The following COLQ variants were observed in gnomAD, a reference collection of about 807,000 sequenced individuals.
COLQ encodes collagen like tail subunit of asymmetric acetylcholinesterase, also known as acetylcholinesterase collagenic tail peptide.
COLQ carries 48 observed loss-of-function variants against 69.0 expected under a neutral mutation model. The ratio of observed to expected loss-of-function variants is 0.70; its 90% CI spans 0.55 to 0.88. The LOEUF (loss-of-function observed/expected upper bound fraction) is 0.88. Among genes scored for constraint, COLQ ranks in the 40% least tolerant of loss-of-function variants. The pLI, the probability that COLQ is intolerant of heterozygous loss-of-function variation, is 0.00. For synonymous variants in COLQ, 217 were observed against 211.2 expected (o/e 1.03, Z -0.24); for missense variants, 618 against 594.6 (o/e 1.04, Z -0.41).
At chr3:15,478,130 G>A (rs2062412212) in intron 5 of COLQ, among the ~76,000 whole-genome samples, 1 of 152,160 alleles carries the variant, frequency 6.6e-6, no homozygotes, top group South Asian at 2.1e-4. Flanking sequence ...ATCAATCATG[G>A]TCCTTGTTAG....
rs1411203931 is a variant in COLQ, at chr3:15,489,604, C to A, written c.140G>T (p.Gly47Val). ...LPSLDQKKRGGHKACCLLTPP... is the reference protein window; with the variant it reads ...LPSLDQKKRGVHKACCLLTPP... ...CGTCAGCAGGCAGCATGCTTTGTGG[C>A]CACCACGCTTCTTCTGATCCAGGCT... The change falls in exon 2 of 17, where the codon GGC (glycine) becomes GTC (valine). Residue 47 changes from glycine (G) to valine (V), a missense_variant. Coordinates refer to ENST00000383788, the MANE Select transcript of COLQ (RefSeq NM_005677.4). The A allele has an allele frequency of 1.2e-6, 2 of 1,614,150 alleles. No homozygotes were observed. The highest frequency in any genetic ancestry group is 1.7e-6 in the Non-Finnish European group (2 of 1,180,014).
chr3:15,499,537 T>A (rs1190237699), intron 1 of COLQ, among the ~76,000 whole-genome samples: 1 of 152,358 alleles, frequency 6.6e-6, no homozygotes, highest in Admixed American at 6.5e-5. Context: ...AGATTGGTCA[T>A]GTTTTGTAAA....
chr3:15,459,628 G>A, intron 12 of COLQ, among the ~76,000 whole-genome samples: 1 of 151,696 alleles, frequency 6.6e-6, no homozygotes, highest in Middle Eastern at 3.4e-3. Context: ...ACAGGCACGT[G>A]CCATCAGGTT....
intron 12 of COLQ, among the ~76,000 whole-genome samples, chr3:15,458,648 TG>T (rs1161653090): frequency 6.6e-6 from 1 of 152,200 alleles, no homozygotes; most frequent in Admixed American, 6.5e-5. Context: ...GAAAGGCTCA[TG>T]GGGCCTGGGG....
intron 11 of COLQ, 71 bp downstream of exon 11, chr3:15,470,465 C>A: frequency 7.2e-7 from 1 of 1,381,316 alleles, no homozygotes; most frequent in Non-Finnish European, 1.0e-6. Flanking sequence ...ACGCCACCTG[C>A]CTGCCACTCC....
intron 1 of COLQ, among the ~76,000 whole-genome samples, chr3:15,490,684 C>G (rs2062651867): frequency 6.6e-6 from 1 of 152,214 alleles, no homozygotes; most frequent in Admixed American, 6.5e-5. Context: ...GTTGATACCA[C>G]TACACATCCA....
rs73146171 is a variant in COLQ, at chr3:15,496,665, C to T, written c.107-7028G>A. ...TCACGGAACTTCAGGACCGCATGTC[C>T]CAACTTAAAGACATCAAGCTCATGT... On this transcript the variant is annotated intron_variant, in intron 1 of 16. Transcript: ENST00000383788. Among the ~76,000 whole-genome samples the T allele has an allele frequency of 8.1e-3, 1,228 of 152,332 alleles. 14 individuals are homozygous for T. Among genetic ancestry groups the T allele is most frequent in the African/African-American group, 0.028 (1,153 of 41,576 alleles).
intron 15 of COLQ, among the ~76,000 whole-genome samples, chr3:15,454,607 C>T (rs1421763741): frequency 6.6e-6 from 1 of 151,178 alleles, no homozygotes; most frequent in African/African-American, 2.4e-5. Flanking sequence ...CAGTCAGCAG[C>T]ATCTCCCGCC....
At chr3:15,468,831 A>G (rs2062239087) in intron 11 of COLQ, among the ~76,000 whole-genome samples, 1 of 152,164 alleles carries the variant, frequency 6.6e-6, no homozygotes, top group African/African-American at 2.4e-5. Context: ...CCTGGCCCTC[A>G]GCTTCCTTGA....
Position 15,489,610 on chromosome 3 carries a change from C to G in COLQ, c.134G>C (p.Arg45Pro), listed in dbSNP as rs761717418. 174 of 1,614,020 alleles carry G rather than the reference C, an allele frequency of 1.1e-4. No homozygotes were observed. The highest frequency in any genetic ancestry group is 1.4e-4 in the Non-Finnish European group (171 of 1,180,014). ...AALPSLDQKK[R>P]GGHKACCLLT... ...CAGGCAGCATGCTTTGTGGCCACCA[C>G]GCTTCTTCTGATCCAGGCTGGGAAG... Residue 45 changes from arginine to proline, a missense_variant, in exon 2 of 17, where the codon CGT (arginine) becomes CCT (proline). By Grantham distance (103) the Arg-to-Pro change is moderately radical. Transcript: ENST00000383788.
chr3:15,462,927 T>A (rs2062142557), intron 12 of COLQ, among the ~76,000 whole-genome samples: 1 of 151,060 alleles, frequency 6.6e-6, no homozygotes, highest in African/African-American at 2.4e-5. Context: ...CTCTGAAGGG[T>A]AGAGGGCAGG....
rs755848079 is a variant in COLQ, at chr3:15,477,131, G to C, written c.460C>G (p.Pro154Ala). The change falls in exon 6 of 17, where the codon CCC becomes GCC. Residue 154 changes from proline (P) to alanine (A), a missense_variant. Physicochemically the swap from Pro to Ala is conservative, Grantham distance 27. Transcript: ENST00000383788. ...TGAGAGCATGCCACACTTACCCTGG[G>C]TCCTTCAGGGCCTGGCCAACCGATG... The part of the protein sequence containing the change: ...GPIGWPGPEG[P>A]RGEKGDLGMM... The C allele has an allele frequency of 6.2e-7, 1 of 1,600,800 alleles. No homozygotes were observed. Among genetic ancestry groups the C allele is most frequent in the African/African-American group, 1.3e-5 (1 of 74,816 alleles).
rs1206143332 is a variant in COLQ at position 15,489,529 on chromosome 3, C to T, written c.215G>A (p.Ser72Asn). ...FPPPFFRGGR[S>N]PLLSPDMKNL... is the part of the protein sequence containing the mutation. ...CATAAATCCCAAAGTACTCACCGGA[C>T]TTCGGCCACCTCTGAAGAATGGTGG... Residue 72 changes from serine (S) to asparagine (N), a missense_variant, in exon 2 of 17, where the codon AGT (serine) becomes AAT (asparagine). Ser to Asn is a conservative substitution (Grantham distance 46, BLOSUM62 1). Coordinates refer to ENST00000383788, the MANE Select transcript of COLQ (RefSeq NM_005677.4). The T allele has an allele frequency of 1.9e-6, 3 of 1,614,200 alleles. No homozygotes were observed. The highest frequency in any genetic ancestry group is 2.5e-6 in the Non-Finnish European group (3 of 1,180,024).
rs1007222915 is a variant in COLQ at position 15,456,081 on chromosome 3, G to T, written c.1075-62C>A. On this transcript the variant is annotated intron_variant, in intron 14 of 16. Transcript: ENST00000383788. The stretch of plus-strand genomic sequence containing the variant: ...GCATACCCAGGCAGCCGCAGGCAGG[G>T]AGGTCATTGGTTTTGGTCCAAAGGC... 3 of 1,602,304 alleles carry T rather than the reference G, an allele frequency of 1.9e-6. No individual in the cohort carries two copies. In the African/African-American group the frequency reaches 4.0e-5, roughly 21 times the overall value.
At chr3:15,512,573 G>A (rs910720862) in intron 1 of COLQ, among the ~76,000 whole-genome samples, 21 of 152,156 alleles carry the variant, frequency 1.4e-4, no homozygotes, top group African/African-American at 3.4e-4. Context: ...CTTTTTTGCC[G>A]TAACTCACTG....
At chr3:15,468,265 T>G (rs1486399817) in intron 11 of COLQ, among the ~76,000 whole-genome samples, 2 of 151,852 alleles carry the variant, frequency 1.3e-5, no homozygotes, top group African/African-American at 4.8e-5. Flanking sequence ...CTTTATTCCT[T>G]ATTTGCCACA....
chr3:15,521,490 G>A, intron 1 of COLQ, 30 bp downstream of exon 1: 1 of 1,613,790 alleles, frequency 6.2e-7, no homozygotes, highest in Non-Finnish European at 8.5e-7. Flanking sequence ...CTGACAGATG[G>A]AAGAGAGGAA....
intron 13 of COLQ, 53 bp from the exon 14 acceptor site, chr3:15,456,632 G>A (rs867514391): frequency 6.2e-7 from 1 of 1,608,178 alleles, no homozygotes; most frequent in Non-Finnish European, 8.5e-7. Flanking sequence ...GCAGGGGGCA[G>A]GAAAAAAGCT....
At chr3:15,483,222 C>T (rs1015579813) in intron 3 of COLQ, among the ~76,000 whole-genome samples, 5 of 152,112 alleles carry the variant, frequency 3.3e-5, no homozygotes, top group African/African-American at 1.2e-4. Context: ...ATCAGTTCTG[C>T]TCTGATCTTA....
Sources: allele counts gnomAD v4.1 joint callset (sites outside exome capture counted in the v4.1 genomes callset), GRCh38; gene constraint gnomAD v4.1.1; transcripts MANE v1.5; gene names NCBI Gene and HGNC (gene_info 2026-07-23, HGNC 2026-07-21).